The following ACSS3 variants were observed in gnomAD, a reference collection of about 807,000 sequenced individuals.
ACSS3 encodes the protein acyl-CoA synthetase short-chain family member 3, mitochondrial.
Under a neutral mutation model 84.2 loss-of-function variants are expected in ACSS3, and 64 were observed. The observed-to-expected ratio is 0.76, with a 90% CI of 0.62 to 0.94. ACSS3 has a LOEUF of 0.94. ACSS3 is among the 40% of genes least tolerant of loss of function. The pLI is 0.00. For synonymous variants in ACSS3, 317 were observed against 310.1 expected, an observed-to-expected ratio of 1.02 and a Z score of -0.23; for missense variants, 815 against 867.6, an observed-to-expected ratio of 0.94 and a Z score of 0.76.
At chr12:81,122,425 C>T (rs1007522400) in intron 2 of ACSS3, among the ~76,000 whole-genome samples, 10 of 152,022 alleles carry the variant, frequency 6.6e-5, no homozygotes, top group Admixed American at 2.0e-4. Context: ...AAATATTATT[C>T]GCTAGCCCTT....
chr12:81,207,969 AC>A (rs1433711031), intron 9 of ACSS3, among the ~76,000 whole-genome samples: 4 of 152,106 alleles, frequency 2.6e-5, no homozygotes, highest in Non-Finnish European at 5.9e-5. Flanking sequence ...CAAAGAAGCA[AC>A]CTATAGGTTG....
chr12:81,078,988 G>A (rs1880800488), intron 1 of ACSS3, among the ~76,000 whole-genome samples: 1 of 152,180 alleles, frequency 6.6e-6, no homozygotes, highest in Non-Finnish European at 1.5e-5. Context: ...TGATTGTGTT[G>A]GCTGGAGAGG....
chr12:81,155,253 TAAC>T (rs1886806630), intron 7 of ACSS3, among the ~76,000 whole-genome samples: 1 of 152,238 alleles, frequency 6.6e-6, no homozygotes, highest in African/African-American at 2.4e-5. Flanking sequence ...CTTTGGTCCT[TAAC>T]ATTAGAGTTT....
At chr12:81,217,063 T>C in intron 10 of ACSS3, 67 bp downstream of exon 10, 1 of 1,307,358 alleles carries the variant, frequency 7.6e-7, no homozygotes, top group South Asian at 1.2e-5. Context: ...TAGTGTGTAT[T>C]ATGTTGCATG....
chr12:81,221,649 C>T (rs1211916713), intron 11 of ACSS3, among the ~76,000 whole-genome samples: 1 of 152,126 alleles, frequency 6.6e-6, no homozygotes, highest in Admixed American at 6.6e-5. Flanking sequence ...AAATATTGAA[C>T]ATGCCATTTG....
At chr12:81,180,220 G>A (rs1367833554) in intron 8 of ACSS3, among the ~76,000 whole-genome samples, 1 of 152,094 alleles carries the variant, frequency 6.6e-6, no homozygotes, top group Non-Finnish European at 1.5e-5. Context: ...TAGACACAAG[G>A]GGTAGAGTGT....
chr12:81,196,076 G>T (rs1039953446), intron 8 of ACSS3, among the ~76,000 whole-genome samples: 1 of 152,096 alleles, frequency 6.6e-6, no homozygotes, highest in East Asian at 1.9e-4. Flanking sequence ...GCTGCATTCC[G>T]TGACACTTGC....
intron 2 of ACSS3, 100 bp from the exon 3 acceptor site, chr12:81,134,716 C>G: frequency 9.2e-7 from 1 of 1,085,072 alleles, no homozygotes; most frequent in Non-Finnish European, 1.2e-6. Flanking sequence ...CTTTAATCTA[C>G]TACCAAGCGG....
At chr12:81,250,939 GTCTC>G (rs910121340) in intron 13 of ACSS3, among the ~76,000 whole-genome samples, 1 of 152,112 alleles carries the variant, frequency 6.6e-6, no homozygotes, top group African/African-American at 2.4e-5. Context: ...AGTAAAAGTT[GTCTC>G]TCTGATCTCA....
At chr12:81,176,914 T>C (rs149396290) in intron 8 of ACSS3, among the ~76,000 whole-genome samples, 106 of 152,218 alleles carry the variant, frequency 7.0e-4, no homozygotes, top group African/African-American at 2.4e-3. Flanking sequence ...GCAAAAATTC[T>C]CAACAAAATA....
At chr12:81,254,806 G>T (rs769503207) in intron 15 of ACSS3, 51 bp from the exon 16 acceptor site, 2 of 1,361,618 alleles carry the variant, frequency 1.5e-6, no homozygotes, top group Non-Finnish European at 2.1e-6. Flanking sequence ...TATAGAAAGA[G>T]TAGAAGAAAT....
intron 13 of ACSS3, among the ~76,000 whole-genome samples, chr12:81,247,736 C>T (rs1767500598): frequency 6.6e-6 from 1 of 151,960 alleles, no homozygotes; most frequent in Admixed American, 6.6e-5. Context: ...TTTACTAGCT[C>T]CTAGCAATAT....
chr12:81,130,253 A>C (rs1355595691), intron 2 of ACSS3, among the ~76,000 whole-genome samples: 1 of 152,082 alleles, frequency 6.6e-6, no homozygotes, highest in Admixed American at 6.6e-5. Flanking sequence ...CAGTGTAAAA[A>C]TGTTCCTATT....
chr12:81,239,907 A>C (rs2033740635), intron 13 of ACSS3, among the ~76,000 whole-genome samples: 1 of 152,076 alleles, frequency 6.6e-6, no homozygotes, highest in Non-Finnish European at 1.5e-5. Flanking sequence ...ATATATGCTT[A>C]TGTATAAGCA....
At chr12:81,090,374 A>C (rs1216040338) in intron 1 of ACSS3, among the ~76,000 whole-genome samples, 1 of 151,984 alleles carries the variant, frequency 6.6e-6, no homozygotes, top group Non-Finnish European at 1.5e-5. Flanking sequence ...TGATACTTCT[A>C]CCAATAATTT....
chr12:81,136,403 CA>C (rs1425010817), intron 3 of ACSS3, among the ~76,000 whole-genome samples: 3 of 151,988 alleles, frequency 2.0e-5, no homozygotes, highest in Non-Finnish European at 4.4e-5. Context: ...GTGCATTTTT[CA>C]ATAATATTTT....
Position 81,121,521 on chromosome 12 carries a change from A to T in ACSS3, c.456+11817A>T, listed in dbSNP as rs145780433. 3.8e-3 allele frequency among the ~76,000 whole-genome samples: 572 copies of T among 151,978 alleles called. 4 individuals are homozygous for T. The highest frequency in any genetic ancestry group is 0.013 in the African/African-American group (523 of 41,452). On this transcript the variant is annotated intron_variant, in intron 2 of 15. Coordinates refer to ENST00000548058, the MANE Select transcript of ACSS3 (RefSeq NM_024560.4). ...TGTTTACTTAAATTATTTTTATTTT[A>T]GTGTATTATTAAGCCTAGGCCTTAA...
intron 7 of ACSS3, among the ~76,000 whole-genome samples, chr12:81,163,201 T>G (rs1215823751): frequency 1.3e-5 from 2 of 152,226 alleles, no homozygotes; most frequent in African/African-American, 2.4e-5. Flanking sequence ...ATAGTGTAGT[T>G]GAAAGTAGTT....
intron 15 of ACSS3, 66 bp from the exon 16 acceptor site, chr12:81,254,791 T>G: frequency 7.9e-7 from 1 of 1,261,592 alleles, no homozygotes; most frequent in Non-Finnish European, 1.1e-6. Flanking sequence ...ATATAATTGT[T>G]TAATTATAGA....
Sources: allele counts gnomAD v4.1 joint callset (sites outside exome capture counted in the v4.1 genomes callset), GRCh38; gene constraint gnomAD v4.1.1; transcripts MANE v1.5; gene names NCBI Gene and HGNC (gene_info 2026-07-23, HGNC 2026-07-21).